PARD3: variants seen among roughly 807,000 people sequenced by gnomAD.
PARD3 encodes partitioning defective 3 homolog.
Under a neutral mutation model 155.4 loss-of-function variants are expected in PARD3, and 75 were observed. The observed-to-expected ratio is 0.48, with a 90% confidence interval of 0.40 to 0.58. The LOEUF (loss-of-function observed/expected upper bound fraction) is 0.58. PARD3 is among the 20% of genes least tolerant of loss of function. PARD3 has a pLI of 0.00. For synonymous variants in PARD3, 576 were observed against 610.5 expected (o/e 0.94, Z 0.83); for missense variants, 1,642 against 1,721.7 (o/e 0.95, Z 0.82).
intron 7 of PARD3, among the ~76,000 whole-genome samples, chr10:34,389,043 A>C (rs1842624869): frequency 6.6e-6 from 1 of 152,178 alleles, no homozygotes; most frequent in Non-Finnish European, 1.5e-5. Flanking sequence ...CTTTTCAAGC[A>C]AATGGATTTT....
intron 5 of PARD3, among the ~76,000 whole-genome samples, chr10:34,407,842 A>G (rs1483829308): frequency 1.1e-5 from 1 of 93,940 alleles, no homozygotes. Flanking sequence ...CCTAAAAAAA[A>G]AAGAAAAAAA....
At chr10:34,405,400 C>T (rs984656097) in intron 5 of PARD3, among the ~76,000 whole-genome samples, 2 of 151,958 alleles carry the variant, frequency 1.3e-5, no homozygotes, top group Middle Eastern at 3.2e-3. Flanking sequence ...ATTACCCACT[C>T]GATCAAATAA....
intron 3 of PARD3, among the ~76,000 whole-genome samples, chr10:34,474,645 C>T (rs1265088219): frequency 2.6e-5 from 4 of 152,168 alleles, no homozygotes; most frequent in African/African-American, 9.7e-5. Context: ...GATGAGTAAG[C>T]TGAGGCTCAG....
intron 20 of PARD3, among the ~76,000 whole-genome samples, chr10:34,290,428 TAAG>T (rs1956622410): frequency 6.6e-6 from 1 of 152,220 alleles, no homozygotes; most frequent in Non-Finnish European, 1.5e-5. Flanking sequence ...TCTTCATGTC[TAAG>T]AAGTCTTTGC....
At chr10:34,575,441 G>C (rs898411909) in intron 2 of PARD3, among the ~76,000 whole-genome samples, 1 of 152,184 alleles carries the variant, frequency 6.6e-6, no homozygotes, top group Non-Finnish European at 1.5e-5. Context: ...GGTAGACACA[G>C]AAATAATTTG....
chr10:34,470,469 C>T (rs181426494), intron 3 of PARD3, among the ~76,000 whole-genome samples: 9 of 152,238 alleles, frequency 5.9e-5, no homozygotes, highest in African/African-American at 1.4e-4. Context: ...GTGTCGGCTC[C>T]GAGCAAAATG....
At chr10:34,643,171 C>T (rs549724759) in intron 2 of PARD3, among the ~76,000 whole-genome samples, 7 of 152,360 alleles carry the variant, frequency 4.6e-5, no homozygotes, top group East Asian at 1.9e-4. Flanking sequence ...AGTCACTCAG[C>T]GTCTGCTGGC....
At chr10:34,258,729 GA>G (rs1212010438) in intron 22 of PARD3, among the ~76,000 whole-genome samples, 1 of 152,086 alleles carries the variant, frequency 6.6e-6, no homozygotes, top group African/African-American at 2.4e-5. Flanking sequence ...AACCTAAGAG[GA>G]AAAAGTAGAA....
chr10:34,483,180 G>C (rs1461117976), intron 3 of PARD3, among the ~76,000 whole-genome samples: 1 of 151,910 alleles, frequency 6.6e-6, no homozygotes, highest in Non-Finnish European at 1.5e-5. Flanking sequence ...ACAAAAATGT[G>C]TTTCTCTTGC....
chr10:34,804,903 G>A (rs1334035087), intron 1 of PARD3, among the ~76,000 whole-genome samples: 1 of 152,134 alleles, frequency 6.6e-6, no homozygotes, highest in Admixed American at 6.5e-5. Context: ...TGATTGGTTA[G>A]CAATTTTAGG....
intron 20 of PARD3, among the ~76,000 whole-genome samples, chr10:34,291,803 T>C (rs1483425064): frequency 2.0e-5 from 3 of 152,196 alleles, no homozygotes; most frequent in African/African-American, 7.2e-5. Context: ...TCCCAACACT[T>C]TGCGAGGCCA....
In PARD3 at chr10:34,331,117, A is replaced by G. The variant is rs1835572534; in HGVS notation, c.2833T>C (p.Leu945=). 1.5e-5 allele frequency: 24 copies of G among 1,607,582 alleles called. No homozygotes were observed. Among genetic ancestry groups the G allele is most frequent in the Non-Finnish European group, 2.0e-5 (23 of 1,174,060 alleles). ...VDDDDEGMET[L]EEDTEESSRS... is the part of the protein sequence containing the mutation. ...ATTCTTTCAGCCATTATAAACTTAC[A>G]GGTCTCCATGCCTTCATCATCATCA... Residue 945 remains leucine, a splice_region_variant and synonymous_variant, in exon 19 of 25, where the codon TTG becomes CTG. Transcript: ENST00000374788.
intron 2 of PARD3, among the ~76,000 whole-genome samples, chr10:34,669,628 T>G (rs911080637): frequency 2.0e-5 from 3 of 152,098 alleles, no homozygotes; most frequent in Admixed American, 2.0e-4. Flanking sequence ...AAAATTACCT[T>G]ACCTACTAAC....
chr10:34,219,314 G>A (rs1952162767), intron 22 of PARD3, among the ~76,000 whole-genome samples: 1 of 151,948 alleles, frequency 6.6e-6, no homozygotes, highest in Admixed American at 6.6e-5. Context: ...ACAAAATACT[G>A]ACAAACTCCA....
chr10:34,346,486 G>A (rs1042309648), intron 15 of PARD3: 1 of 1,343,840 alleles, frequency 7.4e-7, no homozygotes, highest in Non-Finnish European at 9.9e-7. Flanking sequence ...ATCACTTTGT[G>A]TGCACAAATA....
chr10:34,685,662 C>T (rs372271666), intron 2 of PARD3, among the ~76,000 whole-genome samples: 4 of 150,296 alleles, frequency 2.7e-5, no homozygotes, highest in Non-Finnish European at 4.4e-5. Flanking sequence ...GGGGCAATCT[C>T]GGCTCACTAC....
intron 22 of PARD3, among the ~76,000 whole-genome samples, chr10:34,210,272 T>C (rs531754424): frequency 6.6e-6 from 1 of 152,210 alleles, no homozygotes; most frequent in African/African-American, 2.4e-5. Flanking sequence ...GAAGAGGAAT[T>C]GGAAGAGTAT....
At chr10:34,153,885 T>A (rs949931092) in intron 22 of PARD3, among the ~76,000 whole-genome samples, 4 of 152,242 alleles carry the variant, frequency 2.6e-5, no homozygotes, top group African/African-American at 9.6e-5. Context: ...TATGCTTATT[T>A]CAATTAAAGC....
At chr10:34,702,509 C>T (rs2094297600) in intron 1 of PARD3, among the ~76,000 whole-genome samples, 1 of 152,220 alleles carries the variant, frequency 6.6e-6, no homozygotes, top group African/African-American at 2.4e-5. Flanking sequence ...TGGCGGCTCA[C>T]TGCAGGCTCA....
Sources: allele counts gnomAD v4.1 joint callset (sites outside exome capture counted in the v4.1 genomes callset), GRCh38; gene constraint gnomAD v4.1.1; transcripts MANE v1.5; gene names NCBI Gene and HGNC (gene_info 2026-07-23, HGNC 2026-07-21).